The following DPP10 variants were observed in gnomAD, a reference collection of about 807,000 sequenced individuals.
DPP10 encodes dipeptidyl peptidase like 10, also known as inactive dipeptidyl peptidase 10.
DPP10 carries 33 observed loss-of-function variants against 120.9 expected under a neutral mutation model. The ratio of observed to expected loss-of-function variants is 0.27; its 90% CI spans 0.21 to 0.37. The LOEUF is 0.37. Among genes scored for constraint, DPP10 ranks in the 10% least tolerant of loss-of-function variants. The pLI is 1.00. For missense variants in DPP10, 816 were observed against 942.8 expected, an observed-to-expected ratio of 0.87 and a Z score of 1.76; for synonymous variants, 337 against 326.1, an observed-to-expected ratio of 1.03 and a Z score of -0.36.
In DPP10 at chr2:115,299,676, T is replaced by A. The variant is rs2061039607; in HGVS notation, c.61-9563T>A. Among the ~76,000 whole-genome samples the A allele has an allele frequency of 3.3e-5, 5 of 152,064 alleles. No homozygotes were observed. In the South Asian group the frequency reaches 1.0e-3, roughly 31 times the overall value. The stretch of plus-strand genomic sequence containing the variant: ...AATGTGTTTGTGTGCATGCAACATT[T>A]TTCCGTGAAATATAGTTTTGCTTCT... On this transcript the variant is annotated intron_variant, in intron 1 of 25. Coordinates refer to ENST00000410059, the MANE Select transcript of DPP10 (RefSeq NM_020868.6).
chr2:115,596,217 G>T (rs2082978803), intron 5 of DPP10, among the ~76,000 whole-genome samples: 1 of 152,036 alleles, frequency 6.6e-6, no homozygotes, highest in African/African-American at 2.4e-5. Flanking sequence ...CCTAGCAAAG[G>T]CAGTATCTGA....
At chr2:115,615,435 A>G (rs1575342425) in intron 5 of DPP10, among the ~76,000 whole-genome samples, 2 of 152,262 alleles carry the variant, frequency 1.3e-5, no homozygotes, top group South Asian at 2.1e-4. Flanking sequence ...GAATGGCGGG[A>G]TGTTATGAAC....
At chr2:115,363,821 CCA>C (rs1404616688) in intron 3 of DPP10, among the ~76,000 whole-genome samples, 1 of 152,184 alleles carries the variant, frequency 6.6e-6, no homozygotes, top group Non-Finnish European at 1.5e-5. Flanking sequence ...TGAGTGATAA[CCA>C]CAGTTATTTA....
intron 1 of DPP10, among the ~76,000 whole-genome samples, chr2:115,187,050 T>TTTTTTTTTC (rs1386239778): frequency 4.6e-5 from 5 of 108,256 alleles, no homozygotes; most frequent in South Asian, 3.2e-4. Flanking sequence ...TTTTTTTTTT[T>TTTTTTTTTC]TTTTTGAGAC....
chr2:114,934,179 C>A (rs1696286119), intron 1 of DPP10, among the ~76,000 whole-genome samples: 1 of 152,016 alleles, frequency 6.6e-6, no homozygotes, highest in African/African-American at 2.4e-5. Context: ...GACCCTTGAA[C>A]AAAGAAAGGG....
chr2:114,528,239 T>C (rs1010009444), intron 1 of DPP10, among the ~76,000 whole-genome samples: 3 of 152,152 alleles, frequency 2.0e-5, no homozygotes, highest in Non-Finnish European at 4.4e-5. Flanking sequence ...TGAGTGCCAC[T>C]GGTATCTTAT....
At chr2:114,460,999 C>T (rs1678880871) in intron 1 of DPP10, among the ~76,000 whole-genome samples, 1 of 152,126 alleles carries the variant, frequency 6.6e-6, no homozygotes, top group Non-Finnish European at 1.5e-5. Flanking sequence ...GCTTTTTATA[C>T]CCACTGTTTT....
At chr2:114,947,046 A>G (rs1028211627) in intron 1 of DPP10, among the ~76,000 whole-genome samples, 1 of 152,118 alleles carries the variant, frequency 6.6e-6, no homozygotes, top group African/African-American at 2.4e-5. Flanking sequence ...TGAACATTTC[A>G]TCTAAACGTT....
intron 1 of DPP10, among the ~76,000 whole-genome samples, chr2:115,006,398 C>T (rs1301913993): frequency 3.3e-5 from 5 of 151,896 alleles, no homozygotes; most frequent in Admixed American, 2.6e-4. Flanking sequence ...GGACTAAATG[C>T]TCCAATTAAA....
At chr2:115,668,887 G>A (rs1175576045) in intron 5 of DPP10, among the ~76,000 whole-genome samples, 1 of 152,096 alleles carries the variant, frequency 6.6e-6, no homozygotes, top group Non-Finnish European at 1.5e-5. Flanking sequence ...AGTATGTCAT[G>A]AGTTTTGAGG....
intron 1 of DPP10, among the ~76,000 whole-genome samples, chr2:114,702,440 G>A (rs909148984): frequency 8.6e-5 from 13 of 151,980 alleles, no homozygotes; most frequent in African/African-American, 3.1e-4. Flanking sequence ...CACTGGTAGT[G>A]GGTGGCCATT....
At chr2:115,439,410 G>A (rs843415) in intron 3 of DPP10, among the ~76,000 whole-genome samples, 24,094 of 152,164 alleles carry the variant, frequency 0.16, 4,368 homozygotes, top group African/African-American at 0.44. Context: ...TGTTTGCACT[G>A]CAGTGTGAAA....
At chr2:115,766,431 A>T (rs1680771693) in intron 12 of DPP10, among the ~76,000 whole-genome samples, 1 of 150,388 alleles carries the variant, frequency 6.6e-6, no homozygotes. Flanking sequence ...CCAATCTCAT[A>T]CATACATTTA....
intron 1 of DPP10, chr2:114,833,242 G>A (rs1015242531): frequency 6.6e-6 from 1 of 151,112 alleles, no homozygotes. Flanking sequence ...AATTTATGAT[G>A]TAAGAGTTGT....
chr2:114,958,067 A>C lies in DPP10; in HGVS notation c.61-351172A>C, dbSNP rs1698343262. ...AGTTTGCAAGCTGGGCAGCCCCCAG[A>C]ATCACAGCAGATTCAGAGAGACTCC... is the stretch of plus-strand genomic sequence containing the variant. On this transcript the variant is annotated intron_variant, in intron 1 of 25. Transcript: ENST00000410059. 2.0e-5 allele frequency among the ~76,000 whole-genome samples: 3 copies of C among 152,126 alleles called. No homozygotes were observed. The South Asian group carries it at 6.2e-4, about 31-fold the overall frequency.
intron 1 of DPP10, among the ~76,000 whole-genome samples, chr2:114,835,000 C>T (rs1163422425): frequency 2.7e-5 from 4 of 149,964 alleles, no homozygotes; most frequent in Non-Finnish European, 5.9e-5. Context: ...ATCTACACAC[C>T]TATGTATATA....
chr2:115,377,495 T>G (rs1206385598), intron 3 of DPP10, among the ~76,000 whole-genome samples: 1 of 152,188 alleles, frequency 6.6e-6, no homozygotes, highest in Admixed American at 6.5e-5. Context: ...CCTCCCATTC[T>G]GTAGGTTGCC....
At chr2:114,817,633 G>A (rs1685749846) in intron 1 of DPP10, among the ~76,000 whole-genome samples, 1 of 152,212 alleles carries the variant, frequency 6.6e-6, no homozygotes, top group African/African-American at 2.4e-5. Context: ...CAGGAAGTCA[G>A]AGGGTAAGAG....
chr2:115,358,837 G>A lies in DPP10; in HGVS notation c.271+14925G>A, dbSNP rs531720884. Among the ~76,000 whole-genome samples the A allele has an allele frequency of 1.6e-4, 24 of 152,220 alleles. No homozygotes were observed. In the East Asian group the frequency reaches 1.9e-3, roughly 12 times the overall value. ...CATATCCTTCACATGGCAGTACCAC[G>A]GAGAAGTGCTAAGCAAAAGAAGAAA... On this transcript the variant is annotated intron_variant, in intron 3 of 25. Coordinates refer to ENST00000410059, the MANE Select transcript of DPP10 (RefSeq NM_020868.6).
Sources: gnomAD v4.1 joint callset for allele counts (sites outside exome capture counted in the v4.1 genomes callset) on GRCh38, gnomAD v4.1.1 for gene constraint, MANE v1.5 for transcripts, NCBI Gene and HGNC (gene_info 2026-07-23, HGNC 2026-07-21) for gene names.